The following DRC3 variants were observed in gnomAD, a reference collection of about 807,000 sequenced individuals.
DRC3 encodes the protein dynein regulatory complex subunit 3, also known as leucine rich repeat containing 48.
Under a neutral mutation model 57.6 loss-of-function variants are expected in DRC3, and 45 were observed. The observed-to-expected ratio is 0.78, with a 90% CI of 0.62 to 1.00. DRC3 has a LOEUF of 1.00. Ranked by LOEUF, DRC3 falls within the 50% of genes least tolerant of loss-of-function variation. DRC3 has a pLI of 0.00. For missense variants in DRC3, 655 were observed against 675.2 expected, an observed-to-expected ratio of 0.97 and a Z score of 0.33; for synonymous variants, 257 against 272.3, an observed-to-expected ratio of 0.94 and a Z score of 0.55.
intron 4 of DRC3, among the ~76,000 whole-genome samples, chr17:17,984,484 G>A (rs2042866703): frequency 6.6e-6 from 1 of 152,182 alleles, no homozygotes; most frequent in Non-Finnish European, 1.5e-5. Context: ...GCCATGGAGG[G>A]TTTTGATGAG....
rs767369447 is a variant in DRC3 at position 18,007,039 on chromosome 17, G to A, written c.1218G>A (p.Arg406=). 48 of 1,606,990 alleles carry A rather than the reference G, an allele frequency of 3.0e-5. No individual in the cohort carries two copies. The South Asian group carries it at 5.0e-4, about 17-fold the overall frequency. Residue 406 remains arginine, a synonymous_variant, in exon 12 of 14, where the codon CGG becomes CGA. Transcript: ENST00000399187. ...ENVQSLMAQC[R]DLENHHHEKL... ...GGGGCTGCACGATGGCTCAGTGCCG[G>A]GACCTGGAGAATCACCACCACGAGA...
intron 3 of DRC3, 70 bp downstream of exon 3, chr17:17,977,828 GC>G: frequency 6.8e-7 from 1 of 1,475,618 alleles, no homozygotes. Context: ...CCATCTTCAA[GC>G]CCCAGGATTC....
chr17:17,988,032 C>T lies in DRC3; in HGVS notation c.378C>T (p.Ser126=), dbSNP rs774348638. ...LFNNRISKID[S]LDALVKLQVL... is the part of the protein sequence containing the mutation. The stretch of plus-strand genomic sequence containing the variant: ...ACAACCGGATCTCCAAGATCGACTC[C>T]CTGGACGCCCTCGTCAAGCTGCAGG... The change falls in exon 5 of 14, where the codon TCC becomes TCT. Residue 126 remains serine, a synonymous_variant. Transcript: ENST00000399187. 5.0e-6 allele frequency: 8 copies of T among 1,614,004 alleles called. No individual in the cohort carries two copies. The highest frequency in any genetic ancestry group is 6.8e-6 in the Non-Finnish European group (8 of 1,179,898).
intron 8 of DRC3, 77 bp downstream of exon 8, chr17:17,995,188 C>T: frequency 1.0e-6 from 1 of 1,001,454 alleles, no homozygotes; most frequent in Non-Finnish European, 1.5e-6. Flanking sequence ...CGCTCTAGGC[C>T]TCAGTTTCTT....
At position 17,985,134 on chromosome 17, in the gene DRC3, A is replaced by G. The variant is rs373754021; in HGVS notation, c.277+1190A>G. On this transcript the variant is annotated intron_variant, in intron 4 of 13. Coordinates refer to ENST00000399187, the MANE Select transcript of DRC3 (RefSeq NM_031294.4). ...TGGCCTGGCTGTCTCTCAGACATAAAGCAAGTACCACTGAGCCCCATGACA... is the reference window on the plus strand; with the variant it reads ...TGGCCTGGCTGTCTCTCAGACATAAGGCAAGTACCACTGAGCCCCATGACA... 1.1e-4 allele frequency among the ~76,000 whole-genome samples: 16 copies of G among 152,206 alleles called. No homozygotes were observed. In the East Asian group the frequency reaches 1.5e-3, roughly 15 times the overall value.
intron 7 of DRC3, among the ~76,000 whole-genome samples, chr17:17,994,664 G>A (rs1412572980): frequency 6.6e-6 from 1 of 152,178 alleles, no homozygotes; most frequent in Admixed American, 6.5e-5. Context: ...TGGAGAGAAT[G>A]TGCTAAAAAC....
chr17:18,001,049 A>C (rs1313487321), intron 9 of DRC3, among the ~76,000 whole-genome samples: 1 of 151,292 alleles, frequency 6.6e-6, no homozygotes, highest in Non-Finnish European at 1.5e-5. Context: ...ACAGGAACAC[A>C]ACACCACACC....
chr17:17,998,189 A>C (rs2043542002), intron 9 of DRC3, among the ~76,000 whole-genome samples: 1 of 152,024 alleles, frequency 6.6e-6, no homozygotes, highest in African/African-American at 2.4e-5. Context: ...GGGGTGCCCT[A>C]GGGGCGCCTT....
chr17:17,998,037 C>T (rs2043535941), intron 9 of DRC3, among the ~76,000 whole-genome samples: 1 of 152,206 alleles, frequency 6.6e-6, no homozygotes, highest in Admixed American at 6.5e-5. Flanking sequence ...GAGCTCTACT[C>T]TCTGCCTGAT....
At chr17:17,982,013 TA>T (rs1470886844) in intron 3 of DRC3, among the ~76,000 whole-genome samples, 1 of 150,756 alleles carries the variant, frequency 6.6e-6, no homozygotes, top group African/African-American at 2.4e-5. Flanking sequence ...TTTTTTTTTT[TA>T]AACAGTCTCA....
At chr17:18,015,496 A>AGAGCGAG in intron 12 of DRC3, 1 of 152,828 alleles carries the variant, frequency 6.5e-6, no homozygotes, top group Admixed American at 6.5e-5. Flanking sequence ...TGTTTCTAAC[A>AGAGCGAG]ACTTTTTACA....
Position 18,004,481 on chromosome 17 carries a change from T to C in DRC3, c.1118T>C (p.Val373Ala), listed in dbSNP as rs1398999132. 1 of 1,610,796 alleles carries C rather than the reference T, an allele frequency of 6.2e-7. No homozygotes were observed. The highest frequency in any genetic ancestry group is 8.5e-7 in the Non-Finnish European group (1 of 1,178,648). ...DALMTLEMQL[V>A]EQLEETINMF... ...CTCATGACGCTGGAGATGCAGCTGG[T>C]GGAGCAGCTGGAGGTAAGGCTGGGC... is the stretch of plus-strand genomic sequence containing the variant. The change falls in exon 10 of 14, where the codon GTG becomes GCG. Residue 373 changes from valine (V) to alanine (A), a missense_variant. By Grantham distance (64) the Val-to-Ala change is moderately conservative. Coordinates refer to ENST00000399187, the MANE Select transcript of DRC3 (RefSeq NM_031294.4).
At chr17:18,004,768 G>C (rs1403021311) in intron 10 of DRC3, 1 of 416,848 alleles carries the variant, frequency 2.4e-6, no homozygotes, top group African/African-American at 2.0e-5. Context: ...TTTTTGATTA[G>C]ACCCCTGGAG....
intron 10 of DRC3, 173 bp downstream of exon 10, chr17:18,004,667 C>A (rs2043880102): frequency 4.6e-6 from 3 of 645,528 alleles, no homozygotes; most frequent in Non-Finnish European, 7.8e-6. Flanking sequence ...ACATTTTAAT[C>A]ATTTACATTG....
At chr17:17,975,639 A>G (rs1165586118) in intron 2 of DRC3, among the ~76,000 whole-genome samples, 1 of 152,112 alleles carries the variant, frequency 6.6e-6, no homozygotes, top group Non-Finnish European at 1.5e-5. Context: ...GCCATTGCAT[A>G]AGAGTGGGGA....
chr17:18,008,880 A>G lies in DRC3; in HGVS notation c.1326+1733A>G, dbSNP rs932899554. ...GAAGGCACAGGACTGAAACGTGCCC[A>G]ATTTCTAATGACTAGGACACACAGA... On this transcript the variant is annotated intron_variant, in intron 12 of 13. Coordinates refer to ENST00000399187, the MANE Select transcript of DRC3 (RefSeq NM_031294.4). This position sits in a 1 kb window ranked among gnomAD's most constrained non-coding sequence, Gnocchi z 4.3. Among the ~76,000 whole-genome samples the G allele has an allele frequency of 6.6e-6, 1 of 152,180 alleles. No homozygotes were observed. The highest frequency in any genetic ancestry group is 1.5e-5 in the Non-Finnish European group (1 of 68,020).
chr17:17,987,214 C>CAAAA (rs1046062123), intron 4 of DRC3, among the ~76,000 whole-genome samples: 12 of 45,166 alleles, frequency 2.7e-4, no homozygotes, highest in African/African-American at 6.6e-4. Context: ...GACCCTGTCT[C>CAAAA]AAAAAAAAAA....
At chr17:18,007,284 CTT>C (rs1437415925) in intron 12 of DRC3, 137 bp downstream of exon 12, 2 of 1,141,220 alleles carry the variant, frequency 1.8e-6, no homozygotes, top group African/African-American at 3.1e-5. Context: ...CACTAACCTG[CTT>C]TACAGGGTTG....
At chr17:17,981,405 G>A (rs1418848590) in intron 3 of DRC3, 4 of 170,264 alleles carry the variant, frequency 2.3e-5, no homozygotes, top group African/African-American at 9.5e-5. Context: ...AGACCCTGGG[G>A]TGGTGGTTGG....
Sources: gnomAD v4.1 joint callset for allele counts (sites outside exome capture counted in the v4.1 genomes callset) on GRCh38, gnomAD v4.1.1 for gene constraint, Gnocchi (gnomAD v3.1) non-coding constraint, MANE v1.5 for transcripts, NCBI Gene and HGNC (gene_info 2026-07-23, HGNC 2026-07-21) for gene names.